PLXNA4: variants seen among roughly 807,000 people sequenced by gnomAD.
PLXNA4 encodes the protein plexin-A4.
A neutral mutation model predicts 191.8 loss-of-function variants in PLXNA4; 44 were observed. The ratio of observed to expected loss-of-function variants is 0.23; its 90% confidence interval spans 0.18 to 0.29. The LOEUF (loss-of-function observed/expected upper bound fraction) is 0.29. Among genes scored for constraint, PLXNA4 ranks in the 10% least tolerant of loss-of-function variants. The pLI is 1.00. For synonymous variants in PLXNA4, 1,082 were observed against 1,009.5 expected (o/e 1.07, Z -1.36); for missense variants, 1,800 against 2,488.8 (o/e 0.72, Z 5.89).
intron 3 of PLXNA4, among the ~76,000 whole-genome samples, chr7:132,458,653 C>G (rs1056812799): frequency 6.6e-6 from 1 of 151,570 alleles, no homozygotes; most frequent in African/African-American, 2.4e-5. Flanking sequence ...TGGTGGCTGT[C>G]CCTGGTGGGA....
chr7:132,497,817 G>T (rs1003474664), intron 2 of PLXNA4, among the ~76,000 whole-genome samples: 1 of 152,114 alleles, frequency 6.6e-6, no homozygotes, highest in African/African-American at 2.4e-5. Flanking sequence ...AAACAATGCT[G>T]GAGTGAGGGC....
intron 3 of PLXNA4, among the ~76,000 whole-genome samples, chr7:132,468,701 C>T (rs976150316): frequency 4.0e-5 from 6 of 151,522 alleles, no homozygotes; most frequent in South Asian, 2.1e-4. Flanking sequence ...TCCAGGAACA[C>T]CTCCCTCCCT....
chr7:132,134,756 C>G (rs193078465), intron 30 of PLXNA4, among the ~76,000 whole-genome samples: 2 of 152,320 alleles, frequency 1.3e-5, no homozygotes, highest in Admixed American at 1.3e-4. Flanking sequence ...ACAGGCCGCC[C>G]TGCCCCCGTC....
intron 2 of PLXNA4, among the ~76,000 whole-genome samples, chr7:132,640,766 A>G (rs1157957179): frequency 8.7e-6 from 1 of 114,974 alleles, no homozygotes. Flanking sequence ...CCATTGTCTT[A>G]TGTCTACTGA....
intron 3 of PLXNA4, among the ~76,000 whole-genome samples, chr7:132,395,023 T>C (rs924348660): frequency 1.2e-4 from 19 of 152,188 alleles, no homozygotes; most frequent in Admixed American, 1.2e-3. Flanking sequence ...GGCTGCACAC[T>C]CCAGCGAAAG....
At chr7:132,622,091 A>T (rs4731885) in intron 2 of PLXNA4, among the ~76,000 whole-genome samples, 19,050 of 152,106 alleles carry the variant, frequency 0.13, 1,290 homozygotes, top group Non-Finnish European at 0.14. Flanking sequence ...GGTTCTAGCC[A>T]TTGAAATGTA....
intron 14 of PLXNA4, among the ~76,000 whole-genome samples, chr7:132,192,345 A>G (rs975327735): frequency 6.6e-6 from 1 of 152,174 alleles, no homozygotes; most frequent in Non-Finnish European, 1.5e-5. Flanking sequence ...TCATTAAATA[A>G]TCTAGTGAGA....
intron 1 of PLXNA4, among the ~76,000 whole-genome samples, chr7:132,509,643 C>A (rs750492463): frequency 1.7e-4 from 26 of 152,180 alleles, no homozygotes; most frequent in African/African-American, 6.3e-4. Flanking sequence ...TTCACCCCAA[C>A]CTTGCACAGT....
chr7:132,540,242 AC>A lies in PLXNA4; in HGVS notation c.-86-31464del, dbSNP rs1489398242. 2.0e-5 allele frequency among the ~76,000 whole-genome samples: 3 copies of A among 152,106 alleles called. No homozygotes were observed. The East Asian group carries it at 5.8e-4, about 29-fold the overall frequency. On this transcript the variant is annotated intron_variant, in intron 1 of 31. Coordinates refer to ENST00000321063, the MANE Select transcript of PLXNA4 (RefSeq NM_020911.2). ...TGCCTAGAGAATACGCTAAACAATC[AC>A]AACAATTGCTGTGGAGGGCTGGACG...
chr7:132,229,197 G>A (rs1798439242), intron 5 of PLXNA4, among the ~76,000 whole-genome samples: 1 of 152,210 alleles, frequency 6.6e-6, no homozygotes, highest in African/African-American at 2.4e-5. Context: ...GCTAAGAACT[G>A]TAGTTAAAAG....
upstream of PLXNA4, among the ~76,000 whole-genome samples, chr7:132,582,212 T>C (rs974157010): frequency 1.3e-5 from 2 of 152,216 alleles, no homozygotes; most frequent in African/African-American, 2.4e-5. Flanking sequence ...GTAGTTTAAA[T>C]GAGTCACTTG....
At chr7:132,150,778 T>C (rs1795573027) in intron 25 of PLXNA4, among the ~76,000 whole-genome samples, 3 of 152,232 alleles carry the variant, frequency 2.0e-5, no homozygotes, top group South Asian at 4.1e-4. Flanking sequence ...ATAAACCACA[T>C]GGCCTGGCCA....
chr7:132,154,870 T>A (rs1439629654), intron 25 of PLXNA4, among the ~76,000 whole-genome samples: 1 of 152,088 alleles, frequency 6.6e-6, no homozygotes, highest in African/African-American at 2.4e-5. Context: ...ACAGACACAC[T>A]CACAATCCAA....
upstream of PLXNA4, among the ~76,000 whole-genome samples, chr7:132,579,670 G>A (rs1477842536): frequency 6.6e-6 from 1 of 152,078 alleles, no homozygotes; most frequent in African/African-American, 2.4e-5. Flanking sequence ...AAATGACAGG[G>A]AAGACACACA....
chr7:132,176,079 G>T (rs570130648), intron 20 of PLXNA4, among the ~76,000 whole-genome samples: 7 of 152,170 alleles, frequency 4.6e-5, no homozygotes, highest in Admixed American at 1.3e-4. Context: ...CCCCAGTCCT[G>T]CCCTTGCCCA....
chr7:132,587,812 T>C (rs1802530203), intron 2 of PLXNA4, among the ~76,000 whole-genome samples: 1 of 151,860 alleles, frequency 6.6e-6, no homozygotes, highest in African/African-American at 2.4e-5. Flanking sequence ...AGATGCACCA[T>C]CTTCTGCTTG....
At chr7:132,413,215 C>T (rs754083594) in intron 3 of PLXNA4, among the ~76,000 whole-genome samples, 3 of 152,164 alleles carry the variant, frequency 2.0e-5, no homozygotes, top group Admixed American at 6.5e-5. Flanking sequence ...AGTCTGCCTC[C>T]GGACTCGCTG....
intron 3 of PLXNA4, among the ~76,000 whole-genome samples, chr7:132,365,245 A>G (rs1273946825): frequency 2.6e-5 from 4 of 152,124 alleles, no homozygotes; most frequent in Non-Finnish European, 5.9e-5. Context: ...AGCACTAGTG[A>G]ATAATGGTCC....
At chr7:132,381,909 A>G (rs1465957521) in intron 3 of PLXNA4, among the ~76,000 whole-genome samples, 2 of 151,720 alleles carry the variant, frequency 1.3e-5, no homozygotes, top group African/African-American at 2.4e-5. Flanking sequence ...TCATCTGTGC[A>G]CCCCCGCAGG....
Sources: allele counts gnomAD v4.1 joint callset (sites outside exome capture counted in the v4.1 genomes callset), GRCh38; gene constraint gnomAD v4.1.1; transcripts MANE v1.5; gene names NCBI Gene and HGNC (gene_info 2026-07-23, HGNC 2026-07-21).